Variants in CMC2 observed in about 807,000 individuals in gnomAD.
CMC2 encodes the protein COX assembly mitochondrial protein 2 homolog.
CMC2 carries 5 observed loss-of-function variants against 7.5 expected under a neutral mutation model. The observed-to-expected ratio is 0.66, with a 90% CI of 0.35 to 1.40. CMC2 has a LOEUF of 1.40. CMC2 is among the 40% of genes most tolerant of loss of function. The pLI, the probability that CMC2 is intolerant of heterozygous loss-of-function variation, is 0.04. For missense variants in CMC2, 115 were observed against 92.3 expected (o/e 1.25, Z -1.01); for synonymous variants, 37 against 31.4 (o/e 1.18, Z -0.60).
chr16:80,983,287 C>G (rs747059793), intron 2 of CMC2: 1 of 152,196 alleles, frequency 6.6e-6, no homozygotes, highest in Non-Finnish European at 1.5e-5. Flanking sequence ...GGGGTCAGTG[C>G]CCCGAACTTC....
intron 2 of CMC2, among the ~76,000 whole-genome samples, chr16:80,989,699 T>TATC (rs35195025): frequency 0.65 from 98,808 of 151,764 alleles, 33,909 homozygotes; most frequent in South Asian, 0.8. Flanking sequence ...TAGACACACA[T>TATC]TATCTATTCT....
rs573565195 is a variant in CMC2 at position 80,972,189 on chromosome 16, C to G, written c.*3904G>C. On this transcript the variant is annotated 3_prime_UTR_variant, in exon 4 of 4. Transcript: ENST00000219400. Reference sequence around the variant, plus strand: ...TCACCACTTTCTGCTATGTACTTATCTCCTTCAGTGACCTCTCTAGAGGAG... The same window carrying G: ...TCACCACTTTCTGCTATGTACTTATGTCCTTCAGTGACCTCTCTAGAGGAG... The G allele has an allele frequency of 6.6e-6, 1 of 152,328 alleles. No individual in the cohort carries two copies. Among genetic ancestry groups the G allele is most frequent in the African/African-American group, 2.4e-5 (1 of 41,560 alleles). The allele number at this position is 152,328 out of a possible 1,614,324, so 9.4% of individuals were successfully genotyped here. A position where few individuals can be genotyped will look rare whatever the true frequency, so the allele number is the denominator to read the frequency against.
At position 80,975,637 on chromosome 16, in the gene CMC2, T is replaced by C. The variant is rs1050820881; in HGVS notation, c.*456A>G. On this transcript the variant is annotated 3_prime_UTR_variant, in exon 4 of 4. Transcript: ENST00000219400. ...TCAAAAAAAAAATTTTTTTTAATCATTTAGAAAATCACTCTTTAAAAACAA... is the reference window on the plus strand; with the variant it reads ...TCAAAAAAAAAATTTTTTTTAATCACTTAGAAAATCACTCTTTAAAAACAA... 3.3e-5 allele frequency: 5 copies of C among 152,722 alleles called. No homozygotes were observed. The highest frequency in any genetic ancestry group is 1.2e-4 in the African/African-American group (5 of 41,518). The allele number at this position is 152,722 out of a possible 1,614,324, so 9.5% of individuals were successfully genotyped here.
chr16:80,995,436 A>G (rs1440175966), intron 2 of CMC2, among the ~76,000 whole-genome samples: 2 of 152,116 alleles, frequency 1.3e-5, no homozygotes, highest in Admixed American at 1.3e-4. Context: ...CGGGAGGATC[A>G]CCTGAGGTCA....
chr16:80,974,641 GA>G lies in CMC2; in HGVS notation c.*1451del, dbSNP rs1912149876. 6.6e-6 allele frequency: 1 copy of G among 152,032 alleles called. No homozygotes were observed. The highest frequency in any genetic ancestry group is 2.4e-5 in the African/African-American group (1 of 41,386). The allele number at this position is 152,032 out of a possible 1,614,324, so 9.4% of individuals were successfully genotyped here. The stretch of plus-strand genomic sequence containing the variant: ...CTCCTTCTTCATGAAGACTGAACAT[GA>G]AAGTCCTCTGTCTTCTATGACATCT... On this transcript the variant is annotated 3_prime_UTR_variant, in exon 4 of 4. Coordinates refer to ENST00000219400, the MANE Select transcript of CMC2 (RefSeq NM_020188.5).
In CMC2 at chr16:81,006,870, A is replaced by C. The variant is rs1490212355; in HGVS notation, c.-172T>G. 4.1e-6 allele frequency: 4 copies of C among 985,866 alleles called. No individual in the cohort carries two copies. The highest frequency in any genetic ancestry group is 4.8e-6 in the Non-Finnish European group (4 of 830,462). The allele number at this position is 985,866 out of a possible 1,614,324, so 61.1% of individuals were successfully genotyped here. A position where few individuals can be genotyped will look rare whatever the true frequency, so the allele number is the denominator to read the frequency against. On this transcript the variant is annotated 5_prime_UTR_variant, in exon 1 of 4. Transcript: ENST00000219400. ...ACCCAGTGACGCCCTCCACCGCTCC[A>C]CCGTGCTCCCGGCTCCTCGCCCCCG...
In CMC2 at chr16:80,967,957, T is replaced by C. The variant is rs963788239; in HGVS notation, c.*8136A>G. On this transcript the variant is annotated 3_prime_UTR_variant, in exon 4 of 4. Coordinates refer to ENST00000219400, the MANE Select transcript of CMC2 (RefSeq NM_020188.5). The stretch of plus-strand genomic sequence containing the variant: ...CATTCTCAACATAATATATCACCAA[T>C]AAGAACTTTTCTCAAAAACTTAAAT... 3.3e-4 allele frequency: 50 copies of C among 152,130 alleles called. No homozygotes were observed. The highest frequency in any genetic ancestry group is 1.2e-3 in the African/African-American group (48 of 41,408). 9.4% of individuals were successfully genotyped at this position (152,130 alleles called of 1,614,324 possible).
intron 1 of CMC2, among the ~76,000 whole-genome samples, chr16:81,005,553 C>T (rs1266029278): frequency 6.6e-6 from 1 of 152,112 alleles, no homozygotes; most frequent in Non-Finnish European, 1.5e-5. Flanking sequence ...CAGACACGGT[C>T]GGGGACGGCC....
intron 2 of CMC2, among the ~76,000 whole-genome samples, chr16:80,984,464 T>C (rs958356150): frequency 6.6e-6 from 1 of 152,228 alleles, no homozygotes; most frequent in African/African-American, 2.4e-5. Flanking sequence ...CCACACTGAA[T>C]AAGTGGTCAG....
Position 80,975,860 on chromosome 16 carries a change from A to G in CMC2, c.*233T>C. 1 of 383,794 alleles carries G rather than the reference A, an allele frequency of 2.6e-6. No individual in the cohort carries two copies. Among genetic ancestry groups the G allele is most frequent in the East Asian group, 4.6e-5 (1 of 21,652 alleles). The allele number at this position is 383,794 out of a possible 1,614,324, so 23.8% of individuals were successfully genotyped here. ...ACTCAGATATTAACTGGTTGTAGGC[A>G]AAGGGAATAAACATGGTGAAGTCAG... On this transcript the variant is annotated 3_prime_UTR_variant, in exon 4 of 4. Coordinates refer to ENST00000219400, the MANE Select transcript of CMC2 (RefSeq NM_020188.5).
At chr16:80,998,080 G>A (rs534210489) in intron 1 of CMC2, 36 of 149,396 alleles carry the variant, frequency 2.4e-4, no homozygotes, top group Non-Finnish European at 4.6e-4. Flanking sequence ...AAGGTCAAAG[G>A]AAAAACATCA....
At chr16:80,986,835 T>C (rs1257891361) in intron 2 of CMC2, among the ~76,000 whole-genome samples, 1 of 152,266 alleles carries the variant, frequency 6.6e-6, no homozygotes. Flanking sequence ...GTCCACTATC[T>C]AGCTGAGATA....
In CMC2 at chr16:80,970,979, AC is replaced by A. The variant is rs1911872871; in HGVS notation, c.*5113del. 2 of 152,194 alleles carry A rather than the reference AC, an allele frequency of 1.3e-5. No homozygotes were observed. The highest frequency in any genetic ancestry group is 4.1e-4 in the South Asian group (2 of 4,826). 9.4% of individuals were successfully genotyped at this position (152,194 alleles called of 1,614,324 possible). On this transcript the variant is annotated 3_prime_UTR_variant, in exon 4 of 4. Transcript: ENST00000219400. ...TGAAACCCTATCTCTACTAAAAAATACAAAAATTAGCAGGGCATGGTGGCAC... is the reference window on the plus strand; with the variant it reads ...TGAAACCCTATCTCTACTAAAAAATAAAAAATTAGCAGGGCATGGTGGCAC...
chr16:80,974,645 G>C lies in CMC2; in HGVS notation c.*1448C>G, dbSNP rs979062075. On this transcript the variant is annotated 3_prime_UTR_variant, in exon 4 of 4. Transcript: ENST00000219400. ...TTCTTCATGAAGACTGAACATGAAA[G>C]TCCTCTGTCTTCTATGACATCTACC... 6 of 152,326 alleles carry C rather than the reference G, an allele frequency of 3.9e-5. No individual in the cohort carries two copies. Among genetic ancestry groups the C allele is most frequent in the South Asian group, 4.1e-4 (2 of 4,828 alleles). The allele number at this position is 152,326 out of a possible 1,614,324, so 9.4% of individuals were successfully genotyped here. A position where few individuals can be genotyped will look rare whatever the true frequency, so the allele number is the denominator to read the frequency against.
chr16:81,002,312 G>C (rs930601795), intron 1 of CMC2, among the ~76,000 whole-genome samples: 5 of 151,988 alleles, frequency 3.3e-5, no homozygotes, highest in African/African-American at 4.8e-5. Context: ...TGTAATCCCA[G>C]CTACTTGGGA....
At chr16:81,005,147 G>A (rs1969166519) in intron 1 of CMC2, among the ~76,000 whole-genome samples, 1 of 152,176 alleles carries the variant, frequency 6.6e-6, no homozygotes, top group African/African-American at 2.4e-5. Context: ...TATCTTTTTA[G>A]GCTAGGCGCG....
chr16:80,988,682 G>C (rs71400131), intron 2 of CMC2: 8,164 of 634,568 alleles, frequency 0.013, 160 homozygotes, highest in East Asian at 0.065. Flanking sequence ...CTAATTTATA[G>C]ACCTTATTCA....
intron 2 of CMC2, chr16:80,984,179 T>G (rs1967347122): frequency 6.6e-6 from 1 of 152,172 alleles, no homozygotes; most frequent in Non-Finnish European, 1.5e-5. Flanking sequence ...CAGGTTAAGC[T>G]GAAGCCTGAA....
intron 3 of CMC2, among the ~76,000 whole-genome samples, 179 bp from the exon 4 acceptor site, chr16:80,976,358 T>C (rs1238887700): frequency 1.3e-5 from 2 of 152,244 alleles, no homozygotes; most frequent in Admixed American, 6.5e-5. Flanking sequence ...AAATCTGAGA[T>C]TGGAAATAGT....
Sources: gnomAD v4.1 joint callset for allele counts (sites outside exome capture counted in the v4.1 genomes callset) on GRCh38, gnomAD v4.1.1 for gene constraint, MANE v1.5 for transcripts, NCBI Gene and HGNC (gene_info 2026-07-23, HGNC 2026-07-21) for gene names.